Variants in AGBL4 observed in about 807,000 individuals in gnomAD.
AGBL4 encodes AGBL carboxypeptidase 4.
Under a neutral mutation model 66.4 loss-of-function variants are expected in AGBL4, and 58 were observed. The ratio of observed to expected loss-of-function variants is 0.87; its 90% CI spans 0.71 to 1.09. AGBL4 has a LOEUF of 1.09. Among genes scored for constraint, AGBL4 ranks in the 50% least tolerant of loss-of-function variants. AGBL4 has a pLI of 0.00. For synonymous variants in AGBL4, 234 were observed against 222.9 expected, an observed-to-expected ratio of 1.05 and a Z score of -0.44; for missense variants, 579 against 631.0, an observed-to-expected ratio of 0.92 and a Z score of 0.88.
chr1:49,812,498 C>G (rs1460461362), intron 2 of AGBL4, among the ~76,000 whole-genome samples: 1 of 152,194 alleles, frequency 6.6e-6, no homozygotes, highest in African/African-American at 2.4e-5. Context: ...TTCCATTTAT[C>G]TACATTCTTC....
intron 5 of AGBL4, among the ~76,000 whole-genome samples, chr1:48,881,791 T>C (rs1212846377): frequency 1.3e-5 from 2 of 152,186 alleles, no homozygotes; most frequent in Non-Finnish European, 1.5e-5. Context: ...TTTCCAGTGG[T>C]TCCTCTGGAT....
chr1:49,871,812 T>G (rs1046017219), intron 1 of AGBL4, among the ~76,000 whole-genome samples: 1 of 152,122 alleles, frequency 6.6e-6, no homozygotes, highest in African/African-American at 2.4e-5. Context: ...CAGAACCAAA[T>G]TTCCTTGTCA....
At chr1:49,076,391 T>C (rs1259951684) in intron 4 of AGBL4, among the ~76,000 whole-genome samples, 1 of 152,216 alleles carries the variant, frequency 6.6e-6, no homozygotes, top group African/African-American at 2.4e-5. Context: ...TTTGTACTTA[T>C]TGTTGTATTG....
rs1023910830 is a variant in AGBL4, at chr1:49,596,016, C to T, written c.282+101297G>A. On this transcript the variant is annotated intron_variant, in intron 3 of 13. Coordinates refer to ENST00000371839, the MANE Select transcript of AGBL4 (RefSeq NM_032785.4). Reference sequence around the variant, plus strand: ...CCAGAGACTGCCACTCTAGCTTGTACGTTATTGTATGAGAGAGGCAGGTTC... The same window carrying T: ...CCAGAGACTGCCACTCTAGCTTGTATGTTATTGTATGAGAGAGGCAGGTTC... Among the ~76,000 whole-genome samples the T allele has an allele frequency of 9.9e-5, 15 of 152,124 alleles. No individual in the cohort carries two copies. The South Asian group carries it at 1.2e-3, about 13-fold the overall frequency.
chr1:49,541,731 T>A (rs1570984658), intron 3 of AGBL4, among the ~76,000 whole-genome samples: 2 of 152,150 alleles, frequency 1.3e-5, no homozygotes, highest in Non-Finnish European at 2.9e-5. Context: ...GGCGGGCAGC[T>A]CCACCTGTGG....
intron 2 of AGBL4, among the ~76,000 whole-genome samples, chr1:49,828,504 G>T (rs1334278684): frequency 6.6e-6 from 1 of 152,170 alleles, no homozygotes; most frequent in Non-Finnish European, 1.5e-5. Flanking sequence ...AATATGGCCT[G>T]CTCTGGAAAC....
At position 49,233,101 on chromosome 1, in the gene AGBL4, T is replaced by A. The variant is rs369693822; in HGVS notation, c.377+12669A>T. Among the ~76,000 whole-genome samples, 17 of 152,294 alleles carry A rather than the reference T, an allele frequency of 1.1e-4. 1 individual carries two copies. In the East Asian group the frequency reaches 1.9e-3, roughly 17 times the overall value. ...CCTTAAAAACAAATCTTTGAGCATATCTCTGATTATTTCTTTCATCATCAC... is the reference window on the plus strand; with the variant it reads ...CCTTAAAAACAAATCTTTGAGCATAACTCTGATTATTTCTTTCATCATCAC... On this transcript the variant is annotated intron_variant, in intron 4 of 13. Coordinates refer to ENST00000371839, the MANE Select transcript of AGBL4 (RefSeq NM_032785.4).
At chr1:49,234,100 C>T (rs973233347) in intron 4 of AGBL4, among the ~76,000 whole-genome samples, 2 of 152,138 alleles carry the variant, frequency 1.3e-5, no homozygotes, top group Non-Finnish European at 2.9e-5. Context: ...TTGAAAGTTG[C>T]CCTGTCCATC....
chr1:48,631,481 C>T (rs997764930), intron 9 of AGBL4, among the ~76,000 whole-genome samples: 1 of 152,184 alleles, frequency 6.6e-6, no homozygotes, highest in Non-Finnish European at 1.5e-5. Context: ...ACCTCCGTCT[C>T]CCAGGTTTAG....
intron 1 of AGBL4, among the ~76,000 whole-genome samples, chr1:49,960,831 G>A (rs1657061034): frequency 6.6e-6 from 1 of 152,116 alleles, no homozygotes; most frequent in Admixed American, 6.6e-5. Flanking sequence ...GAGTAAGTAT[G>A]TTTGTCTCTT....
chr1:49,110,397 G>A (rs1486101633), intron 4 of AGBL4, among the ~76,000 whole-genome samples: 1 of 152,068 alleles, frequency 6.6e-6, no homozygotes, highest in East Asian at 1.9e-4. Context: ...ATGGTAAGTA[G>A]GTTTCTCATT....
chr1:49,144,555 A>ACT (rs2148104855), intron 4 of AGBL4, among the ~76,000 whole-genome samples: 1 of 151,154 alleles, frequency 6.6e-6, no homozygotes, highest in Admixed American at 6.6e-5. Flanking sequence ...ACACACACAC[A>ACT]CTCAAACACA....
chr1:48,706,915 G>A (rs1570309994), intron 6 of AGBL4, among the ~76,000 whole-genome samples: 1 of 152,332 alleles, frequency 6.6e-6, no homozygotes, highest in Middle Eastern at 3.4e-3. Flanking sequence ...ATCTGGTCAT[G>A]TTCCTGAGGT....
chr1:49,595,918 T>C (rs1231849888), intron 3 of AGBL4, among the ~76,000 whole-genome samples: 1 of 152,088 alleles, frequency 6.6e-6, no homozygotes, highest in East Asian at 1.9e-4. Context: ...TTAAACTGGA[T>C]TCCAATTTCC....
At chr1:49,738,215 G>C (rs1650069356) in intron 2 of AGBL4, among the ~76,000 whole-genome samples, 1 of 152,228 alleles carries the variant, frequency 6.6e-6, no homozygotes, top group African/African-American at 2.4e-5. Flanking sequence ...CCCTAACACT[G>C]AGCTTTTCCA....
At chr1:48,968,760 C>A (rs548367094) in intron 5 of AGBL4, among the ~76,000 whole-genome samples, 26 of 152,186 alleles carry the variant, frequency 1.7e-4, no homozygotes, top group African/African-American at 6.0e-4. Flanking sequence ...TTCTTCCAGT[C>A]CAAGTCAATT....
intron 3 of AGBL4, among the ~76,000 whole-genome samples, chr1:49,313,961 G>T (rs1644990432): frequency 6.6e-6 from 1 of 152,144 alleles, no homozygotes; most frequent in African/African-American, 2.4e-5. Flanking sequence ...GTCCTGAATG[G>T]TGTTGCCTAG....
chr1:49,944,660 C>CA (rs1050937202), intron 1 of AGBL4, among the ~76,000 whole-genome samples: 7 of 149,914 alleles, frequency 4.7e-5, no homozygotes, highest in East Asian at 3.9e-4. Context: ...CTTTAACACC[C>CA]AAAAAAAAAT....
intron 6 of AGBL4, among the ~76,000 whole-genome samples, chr1:48,840,877 G>A (rs867320736): frequency 6.6e-6 from 1 of 152,268 alleles, no homozygotes; most frequent in Middle Eastern, 3.4e-3. Flanking sequence ...GTGATGAATG[G>A]GTTAACAAAC....
Sources: allele counts gnomAD v4.1 joint callset (sites outside exome capture counted in the v4.1 genomes callset), GRCh38; gene constraint gnomAD v4.1.1; transcripts MANE v1.5; gene names NCBI Gene and HGNC (gene_info 2026-07-23, HGNC 2026-07-21).